The following AMD1 variants were observed in gnomAD, a reference collection of about 807,000 sequenced individuals.
The protein encoded by AMD1 is adenosylmethionine decarboxylase 1.
Under a neutral mutation model 40.2 loss-of-function variants are expected in AMD1, and 11 were observed. That is an observed-to-expected ratio of 0.27 (90% CI 0.17 to 0.45). The LOEUF is 0.45. AMD1 is among the 20% of genes least tolerant of loss of function. The probability of loss-of-function intolerance (pLI) is 1.00; values close to 1 mark genes in which losing one functional copy is unlikely to be tolerated. For synonymous variants in AMD1, 121 were observed against 130.8 expected (o/e 0.93, Z 0.51); for missense variants, 257 against 410.2 (o/e 0.63, Z 3.23).
rs780937704 is a variant in AMD1, at chr6:110,892,729, C to CG, written c.616-6_616-5insG. On this transcript the variant is annotated splice_region_variant and splice_polypyrimidine_tract_variant and intron_variant, in intron 6 of 8. Coordinates refer to ENST00000368885, the MANE Select transcript of AMD1 (RefSeq NM_001634.6). ...CTTGTTAAACTCGGTCTTTTTCCCC[C>CG]CCCAGGAGAGTGGAATTCGTGACCT... The CG allele has an allele frequency of 2.9e-5, 47 of 1,611,628 alleles. 1 individual carries two copies. Among genetic ancestry groups the CG allele is most frequent in the South Asian group, 2.1e-4 (19 of 90,870 alleles).
the AMD1 span, among the ~76,000 whole-genome samples, chr6:110,837,148 T>A: frequency 8.8e-6 from 1 of 114,034 alleles, no homozygotes; most frequent in Non-Finnish European, 1.6e-5. Context: ...ACCACTGCAG[T>A]ACAGTCTGAG....
chr6:110,857,603 T>TATA, the AMD1 span, among the ~76,000 whole-genome samples: 1,650 of 106,414 alleles, frequency 0.016, 14 homozygotes, highest in Middle Eastern at 0.034. Flanking sequence ...GGTATATATA[T>TATA]ATATGGTATA....
chr6:110,831,423 T>G, the AMD1 span, among the ~76,000 whole-genome samples: 3 of 150,530 alleles, frequency 2.0e-5, no homozygotes, highest in Non-Finnish European at 4.4e-5. Flanking sequence ...TGGGCGACAG[T>G]GCAAGACTCC....
At chr6:110,893,212 A>G (rs1211277852) in intron 8 of AMD1, 147 bp downstream of exon 8, 15 of 913,536 alleles carry the variant, frequency 1.6e-5, no homozygotes, top group Non-Finnish European at 2.3e-5. Context: ...GGTTACTGGT[A>G]GCTGAGAAGC....
chr6:110,846,485 A>C, the AMD1 span, among the ~76,000 whole-genome samples: 1 of 152,222 alleles, frequency 6.6e-6, no homozygotes, highest in African/African-American at 2.4e-5. Flanking sequence ...GGAAACATTA[A>C]ATGCCATTGT....
the AMD1 span, among the ~76,000 whole-genome samples, chr6:110,867,654 ACT>A: frequency 6.6e-6 from 1 of 152,208 alleles, no homozygotes; most frequent in African/African-American, 2.4e-5. Context: ...ACAGAGTGAG[ACT>A]CTCACTCAAA....
At chr6:110,847,342 G>A in the AMD1 span, among the ~76,000 whole-genome samples, 4 of 152,076 alleles carry the variant, frequency 2.6e-5, no homozygotes, top group Non-Finnish European at 4.4e-5. Context: ...TGGCTAACAC[G>A]GTGAAACCCC....
intron 3 of AMD1, 149 bp downstream of exon 3, chr6:110,889,132 C>G: frequency 3.7e-6 from 3 of 818,306 alleles, no homozygotes; most frequent in Non-Finnish European, 3.4e-6. Context: ...AGGAAGAGAT[C>G]TGATTCTCAA....
chr6:110,847,088 G>A, the AMD1 span, among the ~76,000 whole-genome samples: 3 of 145,928 alleles, frequency 2.1e-5, no homozygotes, highest in Admixed American at 1.4e-4. Context: ...GTGTGTGTGT[G>A]TATAAATTTA....
upstream of AMD1, among the ~76,000 whole-genome samples, chr6:110,872,727 G>A (rs377018803): frequency 4.0e-4 from 61 of 152,254 alleles, 1 homozygote; most frequent in East Asian, 9.5e-3. Context: ...AATCCAGTTG[G>A]TAGACTATTT....
At chr6:110,890,223 T>A (rs749342824) in intron 3 of AMD1, 31 bp from the exon 4 acceptor site, 2 of 1,469,106 alleles carry the variant, frequency 1.4e-6, no homozygotes, top group East Asian at 2.3e-5. Context: ...AAAGTCATCT[T>A]TTTTTTTCTT....
At chr6:110,849,188 C>T in the AMD1 span, among the ~76,000 whole-genome samples, 2 of 152,084 alleles carry the variant, frequency 1.3e-5, no homozygotes, top group Non-Finnish European at 2.9e-5. Flanking sequence ...AAGGTATTGG[C>T]GTATTCCACA....
chr6:110,858,230 G>A, the AMD1 span: 15 of 849,206 alleles, frequency 1.8e-5, no homozygotes, highest in South Asian at 4.4e-5. Flanking sequence ...GCCGCAGCGC[G>A]CGCCAGCCAT....
the AMD1 span, among the ~76,000 whole-genome samples, chr6:110,869,720 G>C: frequency 6.7e-6 from 1 of 150,370 alleles, no homozygotes; most frequent in African/African-American, 2.4e-5. Flanking sequence ...TTTTGTTCAG[G>C]CTGGTCTCAA....
Position 110,875,006 on chromosome 6 carries a change from C to T in AMD1, c.-100C>T. The T allele has an allele frequency of 1.2e-6, 1 of 819,980 alleles. No individual in the cohort carries two copies. Among genetic ancestry groups the T allele is most frequent in the Non-Finnish European group, 1.9e-6 (1 of 520,998 alleles). The allele number at this position is 819,980 out of a possible 1,614,324, so 50.8% of individuals were successfully genotyped here. A position where few individuals can be genotyped will look rare whatever the true frequency, so the allele number is the denominator to read the frequency against. ...AAAAAAGGAACCTGAACTTTAGTAA[C>T]ACAGCTGGAACAATCCGCAGCGGCG... On this transcript the variant is annotated 5_prime_UTR_variant, in exon 1 of 9. Transcript: ENST00000368885.
chr6:110,851,019 A>G, the AMD1 span, among the ~76,000 whole-genome samples: 1 of 152,142 alleles, frequency 6.6e-6, no homozygotes, highest in Non-Finnish European at 1.5e-5. Context: ...GCTGGAGTGC[A>G]GTGGTGCAAT....
chr6:110,858,494 G>A, the AMD1 span: 1 of 1,488,884 alleles, frequency 6.7e-7, no homozygotes, highest in African/African-American at 1.4e-5. Context: ...GCACCAACTA[G>A]AAAACCTCTC....
At chr6:110,855,005 T>C in the AMD1 span, among the ~76,000 whole-genome samples, 2 of 151,724 alleles carry the variant, frequency 1.3e-5, no homozygotes, top group South Asian at 2.1e-4. Context: ...TTTATAAATA[T>C]CTACTTGGGT....
Position 110,892,834 on chromosome 6 carries a change from A to T in AMD1, c.708+7A>T, listed in dbSNP as rs760824014. 2.3e-5 allele frequency: 37 copies of T among 1,613,606 alleles called. No individual in the cohort carries two copies. The highest frequency in any genetic ancestry group is 3.1e-5 in the Non-Finnish European group (37 of 1,179,752). ...GAATGGAATGAAATCGGATGTGAGTAGTTATATATTGCTTCAATAATTATT... is the reference window on the plus strand; with the variant it reads ...GAATGGAATGAAATCGGATGTGAGTTGTTATATATTGCTTCAATAATTATT... On this transcript the variant is annotated splice_region_variant and intron_variant, in intron 7 of 8. Coordinates refer to ENST00000368885, the MANE Select transcript of AMD1 (RefSeq NM_001634.6).
Sources: gnomAD v4.1 joint callset for allele counts (sites outside exome capture counted in the v4.1 genomes callset) on GRCh38, gnomAD v4.1.1 for gene constraint, MANE v1.5 for transcripts, NCBI Gene and HGNC (gene_info 2026-07-23, HGNC 2026-07-21) for gene names.